The following DPP10 variants were observed in gnomAD, a reference collection of about 807,000 sequenced individuals.
DPP10 encodes the protein dipeptidyl peptidase like 10, also known as inactive dipeptidyl peptidase 10.
In DPP10, 33 loss-of-function variants were observed where a neutral mutation model predicts 120.9. The ratio of observed to expected loss-of-function variants is 0.27; its 90% confidence interval spans 0.21 to 0.37. DPP10 has a LOEUF of 0.37. Among genes scored for constraint, DPP10 ranks in the 10% least tolerant of loss-of-function variants. The probability of loss-of-function intolerance (pLI) is 1.00; values close to 1 mark genes in which losing one functional copy is unlikely to be tolerated. For missense variants in DPP10, 816 were observed against 942.8 expected (o/e 0.87, Z 1.76); for synonymous variants, 337 against 326.1 (o/e 1.03, Z -0.36).
At chr2:115,162,139 T>TC in intron 1 of DPP10, 9 of 1,526,970 alleles carry the variant, frequency 5.9e-6, no homozygotes, top group South Asian at 4.8e-5. Context: ...CTTCTCACCC[T>TC]CCCCCGCCCC....
intron 1 of DPP10, among the ~76,000 whole-genome samples, chr2:114,931,605 G>A (rs1696073267): frequency 6.6e-6 from 1 of 152,196 alleles, no homozygotes; most frequent in Non-Finnish European, 1.5e-5. Flanking sequence ...GATTTACGGA[G>A]ACAAACATCC....
intron 19 of DPP10, among the ~76,000 whole-genome samples, chr2:115,806,565 T>C (rs1685995647): frequency 6.6e-6 from 1 of 152,180 alleles, no homozygotes; most frequent in South Asian, 2.1e-4. Flanking sequence ...CACCATACAT[T>C]ACTGAAGGTG....
intron 21 of DPP10, among the ~76,000 whole-genome samples, chr2:115,827,412 G>GTATATATATATA (rs1164585822): frequency 3.1e-4 from 25 of 81,934 alleles, no homozygotes; most frequent in East Asian, 7.0e-4. Context: ...GTATGTGTGT[G>GTATATATATATA]TGTATATATA....
Position 115,766,340 on chromosome 2 carries a change from A to G in DPP10, c.1114-1957A>G, listed in dbSNP as rs1462198936. On this transcript the variant is annotated intron_variant, in intron 12 of 25. Transcript: ENST00000410059. ...TATATATATATGTATATATATATGT[A>G]TATATATATATATATCACTCTATCC... 1.2e-3 allele frequency among the ~76,000 whole-genome samples: 147 copies of G among 126,966 alleles called. 2 individuals carry two copies. In the Middle Eastern group the frequency reaches 0.016, roughly 14 times the overall value. The allele number at this position is 126,966 out of a possible 152,430, so 83.3% of individuals were successfully genotyped here.
intron 1 of DPP10, among the ~76,000 whole-genome samples, chr2:115,112,436 A>G (rs570796533): frequency 2.0e-5 from 3 of 152,120 alleles, no homozygotes; most frequent in South Asian, 4.2e-4. Flanking sequence ...TTAATTGACA[A>G]AATTTGTATA....
intron 1 of DPP10, among the ~76,000 whole-genome samples, chr2:114,755,698 A>G (rs1235453773): frequency 5.9e-5 from 9 of 152,224 alleles, no homozygotes; most frequent in Non-Finnish European, 1.5e-5. Context: ...AGTGGAGCCA[A>G]CTTTCAGACT....
chr2:115,263,864 G>A (rs1452678430), intron 1 of DPP10, among the ~76,000 whole-genome samples: 4 of 151,596 alleles, frequency 2.6e-5, no homozygotes, highest in Admixed American at 6.6e-5. Flanking sequence ...AAATATTAGT[G>A]CAAAAATCAC....
At chr2:114,933,142 A>AT (rs1696206156) in intron 1 of DPP10, among the ~76,000 whole-genome samples, 2 of 152,204 alleles carry the variant, frequency 1.3e-5, no homozygotes, top group South Asian at 4.1e-4. Flanking sequence ...AGATTCAGTG[A>AT]TAAAATAAAA....
intron 5 of DPP10, among the ~76,000 whole-genome samples, chr2:115,648,914 T>A (rs1381080604): frequency 6.6e-6 from 1 of 151,944 alleles, no homozygotes; most frequent in Non-Finnish European, 1.5e-5. Flanking sequence ...AATAGATTAA[T>A]GGAGTAGGGA....
At chr2:114,576,642 G>A (rs1301329241) in intron 1 of DPP10, among the ~76,000 whole-genome samples, 1 of 152,122 alleles carries the variant, frequency 6.6e-6, no homozygotes, top group Non-Finnish European at 1.5e-5. Flanking sequence ...AGTCTGGAGT[G>A]GCAAGCAAAC....
chr2:114,658,365 A>G (rs773751280), intron 1 of DPP10, among the ~76,000 whole-genome samples: 2 of 152,218 alleles, frequency 1.3e-5, no homozygotes, highest in Non-Finnish European at 2.9e-5. Context: ...TGTCTTGGCT[A>G]AAAGATAGGA....
At chr2:115,263,662 A>G (rs1308708646) in intron 1 of DPP10, among the ~76,000 whole-genome samples, 2 of 152,184 alleles carry the variant, frequency 1.3e-5, no homozygotes, top group Non-Finnish European at 2.9e-5. Flanking sequence ...TTTCAAAGGC[A>G]TTATCCTCCA....
At chr2:114,769,503 T>C (rs909008532) in intron 1 of DPP10, among the ~76,000 whole-genome samples, 12 of 152,126 alleles carry the variant, frequency 7.9e-5, no homozygotes, top group African/African-American at 2.7e-4. Context: ...AAAATGAAAA[T>C]AGGTAGTATG....
At chr2:115,518,092 A>G (rs1369083299) in intron 4 of DPP10, among the ~76,000 whole-genome samples, 5 of 152,192 alleles carry the variant, frequency 3.3e-5, no homozygotes, top group Non-Finnish European at 7.3e-5. Flanking sequence ...TCTCATGAGA[A>G]CTAATAGAGT....
intron 1 of DPP10, among the ~76,000 whole-genome samples, chr2:114,873,547 G>T (rs547685903): frequency 1.8e-4 from 27 of 152,208 alleles, no homozygotes; most frequent in Admixed American, 1.7e-3. Flanking sequence ...TATCGTGTCG[G>T]TGCGTGCATG....
At chr2:115,447,037 C>A (rs960879957) in intron 3 of DPP10, among the ~76,000 whole-genome samples, 1 of 152,174 alleles carries the variant, frequency 6.6e-6, no homozygotes, top group African/African-American at 2.4e-5. Context: ...CAACACCAAC[C>A]CATGAGAACA....
intron 1 of DPP10, among the ~76,000 whole-genome samples, chr2:115,193,663 C>T (rs530109580): frequency 2.0e-5 from 3 of 152,164 alleles, no homozygotes; most frequent in Non-Finnish European, 4.4e-5. Context: ...TACTTAGAAT[C>T]GGTAAGATGG....
intron 3 of DPP10, among the ~76,000 whole-genome samples, chr2:115,422,365 A>G (rs997086203): frequency 1.3e-5 from 2 of 152,208 alleles, no homozygotes; most frequent in African/African-American, 4.8e-5. Flanking sequence ...AGTTATTTCT[A>G]TCTGGGCATT....
At chr2:115,409,843 CAAAAT>C (rs2068807709) in intron 3 of DPP10, among the ~76,000 whole-genome samples, 1 of 152,098 alleles carries the variant, frequency 6.6e-6, no homozygotes, top group African/African-American at 2.4e-5. Context: ...TAAAAAGAAA[CAAAAT>C]AATAACATTC....
Sources: allele counts gnomAD v4.1 joint callset (sites outside exome capture counted in the v4.1 genomes callset), GRCh38; gene constraint gnomAD v4.1.1; transcripts MANE v1.5; gene names NCBI Gene and HGNC (gene_info 2026-07-23, HGNC 2026-07-21).